Variants in DST observed in about 807,000 individuals in gnomAD.
DST encodes bullous pemphigoid antigen.
DST carries 253 observed loss-of-function variants against 875.2 expected under a neutral mutation model. The observed-to-expected ratio is 0.29, with a 90% confidence interval of 0.26 to 0.32. The LOEUF (loss-of-function observed/expected upper bound fraction) is 0.32, where lower values mean the gene tolerates loss of function less well. Among genes scored for constraint, DST ranks in the 10% least tolerant of loss-of-function variants. The probability of loss-of-function intolerance (pLI) is 1.00; values close to 1 mark genes in which losing one functional copy is unlikely to be tolerated. For missense variants in DST, 8,287 were observed against 9,111.6 expected, an observed-to-expected ratio of 0.91 and a Z score of 3.68; for synonymous variants, 3,124 against 3,197.1, an observed-to-expected ratio of 0.98 and a Z score of 0.77.
rs1588831369 is a variant in DST, at chr6:56,699,502, T to C, written c.1047+151A>G. ...AGTTGCCAGATTCACAAGCAGCATG[T>C]TGCTTAAAAGAACAATTCAAATATA... is the stretch of plus-strand genomic sequence containing the variant. On this transcript the variant is annotated intron_variant, in intron 9 of 103. Transcript: ENST00000680361. The C allele has an allele frequency of 3.7e-5, 19 of 511,678 alleles. No homozygotes were observed. In the East Asian group the frequency reaches 5.6e-4, roughly 15 times the overall value. 31.7% of individuals were successfully genotyped at this position (511,678 alleles called of 1,614,324 possible).
At chr6:56,907,183 GTT>G (rs1487113614) in intron 2 of DST, among the ~76,000 whole-genome samples, 2 of 152,164 alleles carry the variant, frequency 1.3e-5, no homozygotes, top group Non-Finnish European at 2.9e-5. Flanking sequence ...AAGCTGCCTG[GTT>G]TTGTTTGTTC....
chr6:56,851,246 G>T, intron 4 of DST, 151 bp downstream of exon 4: 1 of 729,444 alleles, frequency 1.4e-6, no homozygotes. Flanking sequence ...GTAAAACAAG[G>T]CATAAAGTAA....
At chr6:56,770,922 C>T (rs1285694613) in intron 4 of DST, among the ~76,000 whole-genome samples, 1 of 151,788 alleles carries the variant, frequency 6.6e-6, no homozygotes, top group Non-Finnish European at 1.5e-5. Context: ...ATAGCTTGAA[C>T]CCGGGAGGCA....
rs750611383 is a variant in DST, at chr6:56,607,669, CCTGA to C, written c.6955_6958del (p.Ser2319GlufsTer28). On this transcript the variant is annotated frameshift_variant, in exon 40 of 104. Transcript: ENST00000680361. LOFTEE classifies it high-confidence loss of function. ...AATTGATATTGTACTTGCCAGTTTT[CCTGA>C]CTGAGAAAATTCACTATTGATAACA... The C allele has an allele frequency of 7.1e-5, 115 of 1,613,340 alleles. No individual in the cohort carries two copies. The highest frequency in any genetic ancestry group is 1.3e-5 in the African/African-American group (1 of 74,896).
In DST at chr6:56,573,730, A is replaced by T. The variant is rs749426858; in HGVS notation, c.13185T>A (p.Gly4395=). Residue 4395 remains glycine, a synonymous_variant, in exon 51 of 104, where the codon GGT becomes GGA. Transcript: ENST00000680361. ...GAGCAGTAGAGTTTAAAGGCACTTGACCTTGTTCTTTCAGAGAACTTTCCA... is the reference window on the plus strand; with the variant it reads ...GAGCAGTAGAGTTTAAAGGCACTTGTCCTTGTTCTTTCAGAGAACTTTCCA... ...GNVESSLKEQ[G]QVPLNSTALQ... is the part of the protein sequence containing the mutation. 6.2e-7 allele frequency: 1 copy of T among 1,613,670 alleles called. No homozygotes were observed. Among genetic ancestry groups the T allele is most frequent in the Non-Finnish European group, 8.5e-7 (1 of 1,179,696 alleles).
intron 4 of DST, among the ~76,000 whole-genome samples, chr6:56,841,881 A>AAATGT (rs2099800499): frequency 6.6e-6 from 1 of 152,146 alleles, no homozygotes; most frequent in Non-Finnish European, 1.5e-5. Flanking sequence ...AATGTGCTTT[A>AAATGT]GCCTAAAATA....
At chr6:56,558,944 T>A (rs1343599319) in intron 58 of DST, among the ~76,000 whole-genome samples, 2 of 152,118 alleles carry the variant, frequency 1.3e-5, no homozygotes, top group African/African-American at 4.8e-5. Flanking sequence ...TTCTCCATCC[T>A]CAAGACAGTA....
intron 61 of DST, among the ~76,000 whole-genome samples, chr6:56,550,032 A>G (rs1181673155): frequency 6.6e-6 from 1 of 152,226 alleles, no homozygotes; most frequent in Non-Finnish European, 1.5e-5. Context: ...ACAGGATTAA[A>G]GATAAATTAA....
chr6:56,578,999 GA>G, intron 49 of DST, 62 bp from the exon 50 acceptor site: 5 of 1,358,366 alleles, frequency 3.7e-6, no homozygotes, highest in South Asian at 3.2e-5. Flanking sequence ...TTCTAATGTG[GA>G]AAAAATGATT....
chr6:56,733,904 A>C (rs1259313431), intron 5 of DST, among the ~76,000 whole-genome samples: 1 of 152,184 alleles, frequency 6.6e-6, no homozygotes, highest in Non-Finnish European at 1.5e-5. Flanking sequence ...AATAATATTA[A>C]ATTTAAGTTA....
At chr6:56,567,808 AT>A (rs2097707518) in intron 55 of DST, among the ~76,000 whole-genome samples, 2 of 152,082 alleles carry the variant, frequency 1.3e-5, no homozygotes, top group Non-Finnish European at 2.9e-5. Flanking sequence ...TCTGCCCATT[AT>A]TTTTTTAAAA....
At chr6:56,848,719 T>C (rs1763347832) in intron 4 of DST, among the ~76,000 whole-genome samples, 1 of 152,198 alleles carries the variant, frequency 6.6e-6, no homozygotes, top group Admixed American at 6.5e-5. Context: ...AGCAAAAAGC[T>C]AATTTACCAA....
intron 99 of DST, among the ~76,000 whole-genome samples, chr6:56,465,012 T>A (rs1032889484): frequency 1.3e-5 from 2 of 152,368 alleles, no homozygotes; most frequent in Non-Finnish European, 1.5e-5. Context: ...GATTTCTTCA[T>A]AAATGGAGTT....
intron 2 of DST, among the ~76,000 whole-genome samples, chr6:56,936,688 G>A (rs1813173763): frequency 6.6e-6 from 1 of 151,894 alleles, no homozygotes; most frequent in African/African-American, 2.4e-5. Flanking sequence ...AACAGGACAG[G>A]ATAACAAAAG....
chr6:56,645,774 A>C (rs1274164386), intron 15 of DST, 92 bp downstream of exon 15: 2 of 1,457,078 alleles, frequency 1.4e-6, no homozygotes, highest in Non-Finnish European at 9.3e-7. Flanking sequence ...ATCCAAGGCC[A>C]AGTAAACAGA....
At chr6:56,530,476 T>C (rs1284971022) in intron 64 of DST, among the ~76,000 whole-genome samples, 3 of 152,164 alleles carry the variant, frequency 2.0e-5, no homozygotes, top group Non-Finnish European at 4.4e-5. Flanking sequence ...ATTGAACACA[T>C]ATTCTGTGCC....
chr6:56,525,872 C>A (rs116637142), intron 69 of DST, among the ~76,000 whole-genome samples: 153 of 152,240 alleles, frequency 1.0e-3, no homozygotes, highest in Admixed American at 2.9e-3. Context: ...TCTTTTCCCC[C>A]CTTCTGTCAT....
At chr6:56,668,589 TA>T (rs1469438924) in intron 10 of DST, among the ~76,000 whole-genome samples, 6 of 150,586 alleles carry the variant, frequency 4.0e-5, no homozygotes, top group Non-Finnish European at 7.4e-5. Flanking sequence ...TAAAAATAAA[TA>T]AAAAAAAATT....
At chr6:56,501,420 G>T in intron 79 of DST, 100 bp downstream of exon 79, 1 of 1,161,062 alleles carries the variant, frequency 8.6e-7, no homozygotes, top group Non-Finnish European at 1.2e-6. Flanking sequence ...TAGAATATAT[G>T]AGAAGCAGAA....
Sources: gnomAD v4.1 joint callset for allele counts (sites outside exome capture counted in the v4.1 genomes callset) on GRCh38, gnomAD v4.1.1 for gene constraint, MANE v1.5 for transcripts, NCBI Gene and HGNC (gene_info 2026-07-23, HGNC 2026-07-21) for gene names.